ADAMTSL1: variants seen among roughly 807,000 people sequenced by gnomAD.
The protein encoded by ADAMTSL1 is ADAMTS like 1, also known as ADAMTS-like protein 1.
In ADAMTSL1, 126 loss-of-function variants were observed where a neutral mutation model predicts 201.8. The observed-to-expected ratio is 0.62, with a 90% CI of 0.54 to 0.72. ADAMTSL1 has a LOEUF of 0.72. Ranked by LOEUF, ADAMTSL1 falls within the 30% of genes least tolerant of loss-of-function variation. The pLI is 0.00. For synonymous variants in ADAMTSL1, 1,121 were observed against 903.4 expected, an observed-to-expected ratio of 1.24 and a Z score of -4.32; for missense variants, 2,679 against 2,277.8, an observed-to-expected ratio of 1.18 and a Z score of -3.59.
rs1267242829 is a variant in ADAMTSL1 at position 18,514,327 on chromosome 9, C to CTTCTT, written c.191+9373_191+9374insCTTTT. Among the ~76,000 whole-genome samples, 101 of 100,102 alleles carry CTTCTT rather than the reference C, an allele frequency of 1.0e-3. 1 individual carries two copies. The highest frequency in any genetic ancestry group is 7.8e-3 in the Middle Eastern group (1 of 128). The allele number at this position is 100,102 out of a possible 152,430, so 65.7% of individuals were successfully genotyped here. On this transcript the variant is annotated intron_variant, in intron 2 of 28. Transcript: ENST00000380548. ...GTAGAATTGCAACTGATTTTTCTTT[C>CTTCTT]TTTTTTTTTTTTTTTTTTTTTTTGA... is the stretch of plus-strand genomic sequence containing the variant.
At chr9:18,626,408 A>G (rs1016578470) in intron 5 of ADAMTSL1, among the ~76,000 whole-genome samples, 5 of 152,242 alleles carry the variant, frequency 3.3e-5, no homozygotes, top group African/African-American at 1.2e-4. Flanking sequence ...AGGGGTCACC[A>G]TGCAGAAGTC....
intron 5 of ADAMTSL1, among the ~76,000 whole-genome samples, chr9:18,625,314 C>G (rs930451440): frequency 2.0e-5 from 3 of 150,040 alleles, no homozygotes; most frequent in Admixed American, 1.3e-4. Flanking sequence ...CTCAGAGGAA[C>G]AAAGCAAAAA....
chr9:17,972,245 G>C (rs1005195011), intron 1 of ADAMTSL1, among the ~76,000 whole-genome samples: 1 of 138,426 alleles, frequency 7.2e-6, no homozygotes, highest in Non-Finnish European at 1.6e-5. Flanking sequence ...CATGTGCCAT[G>C]TTGGTGTGCT....
chr9:18,684,878 T>G, intron 13 of ADAMTSL1, 78 bp downstream of exon 13: 1 of 1,527,760 alleles, frequency 6.5e-7, no homozygotes, highest in Non-Finnish European at 8.8e-7. Context: ...TGGTTGTAGC[T>G]TTCATGGGTT....
rs1363859529 is a variant in ADAMTSL1 at position 18,092,982 on chromosome 9, C to T, written c.88-70880C>T. ...TTGACAGGGAAAATTGGGGCTCAAT[C>T]GTAGCTGACATTGTTTTGCAGCTGT... On this transcript the variant is annotated intron_variant, in intron 1 of 29. Transcript: ENST00000680146. 3.3e-5 allele frequency among the ~76,000 whole-genome samples: 5 copies of T among 152,226 alleles called. No individual in the cohort carries two copies. In the East Asian group the frequency reaches 9.7e-4, roughly 29 times the overall value.
At chr9:17,949,279 GGGACAGAGTCA>G (rs1347862919) in intron 1 of ADAMTSL1, among the ~76,000 whole-genome samples, 1 of 152,176 alleles carries the variant, frequency 6.6e-6, no homozygotes, top group Non-Finnish European at 1.5e-5. Flanking sequence ...TAGTCTCCCA[GGGACAGAGTCA>G]GGAGGTGGTA....
chr9:18,816,351 C>G (rs1337384881), intron 20 of ADAMTSL1, among the ~76,000 whole-genome samples: 1 of 152,186 alleles, frequency 6.6e-6, no homozygotes, highest in African/African-American at 2.4e-5. Context: ...ATTCTCATCC[C>G]TCAGCCTCCT....
intron 2 of ADAMTSL1, among the ~76,000 whole-genome samples, chr9:18,289,172 T>TCTACCTAC (rs59121212): frequency 2.9e-4 from 40 of 138,194 alleles, no homozygotes; most frequent in African/African-American, 6.1e-4. Context: ...TATCTATCTA[T>TCTACCTAC]CTACCTACCT....
At chr9:18,181,239 G>A (rs1182360625) in intron 2 of ADAMTSL1, among the ~76,000 whole-genome samples, 12 of 152,070 alleles carry the variant, frequency 7.9e-5, no homozygotes, top group East Asian at 5.8e-4. Flanking sequence ...AGGACTTCAT[G>A]TCTAAAACAC....
intron 3 of ADAMTSL1, among the ~76,000 whole-genome samples, chr9:18,553,210 C>CTTTTTTTT: frequency 7.4e-6 from 1 of 135,870 alleles, no homozygotes; most frequent in Non-Finnish European, 1.6e-5. Flanking sequence ...TAGTCCCAGT[C>CTTTTTTTT]TTTTTTTTTT....
chr9:18,001,137 T>C (rs1199400530), intron 1 of ADAMTSL1, among the ~76,000 whole-genome samples: 1 of 152,048 alleles, frequency 6.6e-6, no homozygotes, highest in African/African-American at 2.4e-5. Flanking sequence ...AGGCAGTCAC[T>C]ATCCTGGTCT....
intron 10 of ADAMTSL1, among the ~76,000 whole-genome samples, chr9:18,677,725 G>A (rs560636845): frequency 2.9e-4 from 44 of 152,088 alleles, no homozygotes; most frequent in Non-Finnish European, 5.2e-4. Flanking sequence ...ATATTAAAAC[G>A]ATCCTCCTGG....
chr9:18,438,730 G>C (rs1348016496), intron 2 of ADAMTSL1, among the ~76,000 whole-genome samples: 1 of 152,196 alleles, frequency 6.6e-6, no homozygotes, highest in African/African-American at 2.4e-5. Flanking sequence ...TCCGCAGCTA[G>C]TGAGGACCCT....
intron 15 of ADAMTSL1, among the ~76,000 whole-genome samples, chr9:18,736,172 A>G (rs542269727): frequency 1.3e-5 from 2 of 152,212 alleles, no homozygotes; most frequent in African/African-American, 4.8e-5. Context: ...AATATGAAGT[A>G]GAGGCTGCTT....
At chr9:18,666,507 G>A (rs971858078) in intron 9 of ADAMTSL1, among the ~76,000 whole-genome samples, 2 of 152,066 alleles carry the variant, frequency 1.3e-5, no homozygotes, top group African/African-American at 2.4e-5. Context: ...GATCTACCAC[G>A]TTTGTTTTCT....
intron 2 of ADAMTSL1, among the ~76,000 whole-genome samples, chr9:18,165,131 G>A (rs1160740158): frequency 6.6e-6 from 1 of 151,246 alleles, no homozygotes; most frequent in Non-Finnish European, 1.5e-5. Context: ...GATCTACTGT[G>A]GACCTACACA....
At chr9:18,403,796 T>C (rs1481538525) in intron 2 of ADAMTSL1, among the ~76,000 whole-genome samples, 3 of 152,208 alleles carry the variant, frequency 2.0e-5, no homozygotes, top group Non-Finnish European at 4.4e-5. Context: ...AATTTTACTT[T>C]CTTTATCTAA....
chr9:18,142,096 A>T (rs1587144253), intron 1 of ADAMTSL1, among the ~76,000 whole-genome samples: 1 of 152,172 alleles, frequency 6.6e-6, no homozygotes, highest in Non-Finnish European at 1.5e-5. Flanking sequence ...ACACTGAGGA[A>T]TGTTCCAATA....
chr9:18,354,048 C>CATATATATAT (rs10623938), intron 2 of ADAMTSL1, among the ~76,000 whole-genome samples: 16 of 142,576 alleles, frequency 1.1e-4, no homozygotes, highest in African/African-American at 1.5e-4. Flanking sequence ...TTTTTCTATA[C>CATATATATAT]ATATATATAT....
Sources: allele counts gnomAD v4.1 joint callset (sites outside exome capture counted in the v4.1 genomes callset), GRCh38; gene constraint gnomAD v4.1.1; transcripts MANE v1.5; gene names NCBI Gene and HGNC (gene_info 2026-07-23, HGNC 2026-07-21).